The following HERC3 variants were observed in gnomAD, a reference collection of about 807,000 sequenced individuals.
HERC3 encodes HECT and RLD domain containing E3 ubiquitin protein ligase 3.
Under a neutral mutation model 129.9 loss-of-function variants are expected in HERC3, and 58 were observed. The observed-to-expected ratio is 0.45, with a 90% CI of 0.36 to 0.56. The LOEUF (loss-of-function observed/expected upper bound fraction) is 0.56, where lower values mean the gene tolerates loss of function less well. Ranked by LOEUF, HERC3 falls within the 20% of genes least tolerant of loss-of-function variation. The pLI is 0.00. For synonymous variants in HERC3, 430 were observed against 451.0 expected, an observed-to-expected ratio of 0.95 and a Z score of 0.59; for missense variants, 835 against 1,244.2, an observed-to-expected ratio of 0.67 and a Z score of 4.95.
rs191457570 is a variant in HERC3 at position 88,617,667 on chromosome 4, C to T, written c.226+11618C>T. 2.8e-3 allele frequency among the ~76,000 whole-genome samples: 423 copies of T among 152,058 alleles called. 10 individuals carry two copies. Among genetic ancestry groups the T allele is most frequent in the Admixed American group, 0.026 (404 of 15,282 alleles). On this transcript the variant is annotated intron_variant, in intron 3 of 25. Coordinates refer to ENST00000402738, the MANE Select transcript of HERC3 (RefSeq NM_014606.3). The stretch of plus-strand genomic sequence containing the variant: ...CAGGTGGATCATGAGGTCAGGAGAT[C>T]GAGACCATCCTGGCTAACACGGTGA...
the HERC3 span, among the ~76,000 whole-genome samples, chr4:88,577,234 G>T: frequency 6.6e-6 from 1 of 152,130 alleles, no homozygotes; most frequent in Non-Finnish European, 1.5e-5. Flanking sequence ...TGAAGTTTAG[G>T]CAAAGGTACT....
chr4:88,571,489 T>C, the HERC3 span, among the ~76,000 whole-genome samples: 1 of 152,184 alleles, frequency 6.6e-6, no homozygotes, highest in Non-Finnish European at 1.5e-5. Context: ...TCTTCTGAAC[T>C]CTCATTCACT....
chr4:88,636,215 A>G (rs1370180678), intron 3 of HERC3, among the ~76,000 whole-genome samples: 1 of 152,218 alleles, frequency 6.6e-6, no homozygotes, highest in Non-Finnish European at 1.5e-5. Flanking sequence ...AATTGGATAG[A>G]GTCAAGACCC....
chr4:88,653,018 C>T lies in HERC3; in HGVS notation c.613C>T (p.Leu205=), dbSNP rs1467318619. The T allele has an allele frequency of 6.2e-7, 1 of 1,614,110 alleles. No individual in the cohort carries two copies. Among genetic ancestry groups the T allele is most frequent in the Non-Finnish European group, 8.5e-7 (1 of 1,180,038 alleles). ...TGCCGGAGGGGCTCACAGCTTTGCC[C>T]TGTCTCTCTCAGGAGCTGTTTTTGG... The part of the protein sequence containing the change: ...VAAGGAHSFA[L]SLSGAVFGWG... Residue 205 remains leucine (L), a synonymous_variant, in exon 6 of 26, where the codon CTG becomes TTG. Coordinates refer to ENST00000402738, the MANE Select transcript of HERC3 (RefSeq NM_014606.3).
the HERC3 span, among the ~76,000 whole-genome samples, chr4:88,554,779 A>C: frequency 6.6e-6 from 1 of 152,136 alleles, no homozygotes; most frequent in Non-Finnish European, 1.5e-5. Flanking sequence ...ATGGTGATTG[A>C]GGTGTGGGGC....
chr4:88,696,290 C>T (rs2602122), intron 23 of HERC3: 1 of 152,594 alleles, frequency 6.6e-6, no homozygotes, highest in Admixed American at 6.5e-5. Flanking sequence ...TTCACAGCTA[C>T]ACCCTAAAAG....
At chr4:88,592,714 CG>C in intron 1 of HERC3, 140 bp downstream of exon 1, 1 of 152,770 alleles carries the variant, frequency 6.5e-6, no homozygotes, top group Non-Finnish European at 1.5e-5. Context: ...GCTCCGGCGG[CG>C]GGGGCTGCAG....
intron 3 of HERC3, among the ~76,000 whole-genome samples, chr4:88,609,112 C>CA (rs35489177): frequency 0.18 from 16,376 of 89,404 alleles, 2,122 homozygotes; most frequent in African/African-American, 0.36. Context: ...CATACAGATG[C>CA]AAAAAAAAAA....
the HERC3 span, among the ~76,000 whole-genome samples, chr4:88,570,874 C>T: frequency 6.6e-6 from 1 of 152,054 alleles, no homozygotes; most frequent in Non-Finnish European, 1.5e-5. Context: ...CTGCCTCAGC[C>T]TCCTGAGTAG....
the HERC3 span, among the ~76,000 whole-genome samples, chr4:88,559,960 A>ATT: frequency 5.9e-5 from 7 of 119,554 alleles, no homozygotes; most frequent in African/African-American, 9.1e-5. Context: ...GTTATTTTTG[A>ATT]TTTTTTTTTT....
At chr4:88,581,736 G>A in the HERC3 span, among the ~76,000 whole-genome samples, 1 of 152,248 alleles carries the variant, frequency 6.6e-6, no homozygotes, top group South Asian at 2.1e-4. Flanking sequence ...ACAGGCATGA[G>A]CCACTGCCCC....
At chr4:88,572,611 C>T in the HERC3 span, among the ~76,000 whole-genome samples, 2 of 151,356 alleles carry the variant, frequency 1.3e-5, no homozygotes, top group African/African-American at 2.4e-5. Flanking sequence ...GAGATTGAGA[C>T]CATCCTGGCC....
At chr4:88,671,473 A>G (rs531693529) in intron 16 of HERC3, among the ~76,000 whole-genome samples, 3 of 152,314 alleles carry the variant, frequency 2.0e-5, no homozygotes, top group Admixed American at 1.3e-4. Context: ...GACTTAAAAA[A>G]TGCATACAAT....
the HERC3 span, among the ~76,000 whole-genome samples, chr4:88,585,189 T>A: frequency 6.8e-4 from 104 of 152,198 alleles, no homozygotes; most frequent in Non-Finnish European, 1.2e-3. Context: ...TCAACTCTCA[T>A]GATGTAATCA....
At chr4:88,580,350 C>T in the HERC3 span, among the ~76,000 whole-genome samples, 1 of 151,948 alleles carries the variant, frequency 6.6e-6, no homozygotes, top group African/African-American at 2.4e-5. Flanking sequence ...CAGGATGAAA[C>T]CCTGTTTCTA....
At chr4:88,671,871 T>A (rs986824406) in intron 16 of HERC3, among the ~76,000 whole-genome samples, 9 of 152,194 alleles carry the variant, frequency 5.9e-5, no homozygotes, top group Admixed American at 3.3e-4. Flanking sequence ...CTAAATGGGC[T>A]GACTTGGGAA....
the HERC3 span, among the ~76,000 whole-genome samples, chr4:88,525,414 T>C: frequency 1.3e-5 from 2 of 152,200 alleles, no homozygotes; most frequent in African/African-American, 4.8e-5. Context: ...AAGTTTCTGC[T>C]TAAGGAGAAA....
chr4:88,705,082 G>A (rs1175747254), intron 25 of HERC3, among the ~76,000 whole-genome samples: 3 of 152,010 alleles, frequency 2.0e-5, no homozygotes, highest in South Asian at 2.1e-4. Flanking sequence ...ACTGGTCCTC[G>A]TCTTGAACTC....
In HERC3 at chr4:88,598,249, C is replaced by G. The variant is rs559844594; in HGVS notation, c.-30+2635C>G. ...ATAGTCGCATAGTCTTATCATAAGA[C>G]AAAGTTTAGGAACTGAAGGTTGTCG... is the stretch of plus-strand genomic sequence containing the variant. On this transcript the variant is annotated intron_variant, in intron 2 of 25. Transcript: ENST00000402738. 1.7e-3 allele frequency among the ~76,000 whole-genome samples: 264 copies of G among 152,196 alleles called. 1 individual carries two copies. The highest frequency in any genetic ancestry group is 3.0e-3 in the Non-Finnish European group (204 of 67,980).
Sources: gnomAD v4.1 joint callset for allele counts (sites outside exome capture counted in the v4.1 genomes callset) on GRCh38, gnomAD v4.1.1 for gene constraint, MANE v1.5 for transcripts, NCBI Gene and HGNC (gene_info 2026-07-23, HGNC 2026-07-21) for gene names.